PCCB: variants seen among roughly 807,000 people sequenced by gnomAD.
PCCB encodes propionyl-CoA carboxylase subunit beta.
A neutral mutation model predicts 60.7 loss-of-function variants in PCCB; 43 were observed. The observed-to-expected ratio is 0.71, with a 90% CI of 0.55 to 0.91. PCCB has a LOEUF of 0.91. Among genes scored for constraint, PCCB ranks in the 40% least tolerant of loss-of-function variants. The pLI, the probability that PCCB is intolerant of heterozygous loss-of-function variation, is 0.00. For synonymous variants in PCCB, 276 were observed against 255.9 expected, an observed-to-expected ratio of 1.08 and a Z score of -0.75; for missense variants, 766 against 702.8, an observed-to-expected ratio of 1.09 and a Z score of -1.02.
At chr3:136,251,143 T>G in intron 1 of PCCB, 2 of 448,064 alleles carry the variant, frequency 4.5e-6, no homozygotes, top group Non-Finnish European at 9.0e-6. Context: ...AAGGCACGTG[T>G]CGGAAGCAGG....
intron 5 of PCCB, among the ~76,000 whole-genome samples, chr3:136,263,509 C>T (rs369958223): frequency 2.0e-5 from 3 of 151,206 alleles, no homozygotes; most frequent in Non-Finnish European, 4.4e-5. Context: ...TGGACTCAAG[C>T]GATTGGCCTG....
rs570664014 is a variant in PCCB at position 136,259,248 on chromosome 3, C to T, written c.373-1231C>T. On this transcript the variant is annotated intron_variant, in intron 3 of 14. Coordinates refer to ENST00000251654, the MANE Select transcript of PCCB (RefSeq NM_000532.5). ...TTGGGAGGCCGAGGTGGGTAGATCA[C>T]TTGAGGCCAGGAGTTTGAAACTGGC... The T allele has an allele frequency of 6.3e-5, 56 of 889,966 alleles. No individual in the cohort carries two copies. In the Admixed American group the frequency reaches 1.5e-3, roughly 24 times the overall value. 55.1% of individuals were successfully genotyped at this position (889,966 alleles called of 1,614,324 possible). A position where few individuals can be genotyped will look rare whatever the true frequency, so the allele number is the denominator to read the frequency against.
chr3:136,314,647 C>A (rs1934807489), intron 9 of PCCB, among the ~76,000 whole-genome samples: 1 of 151,816 alleles, frequency 6.6e-6, no homozygotes, highest in Non-Finnish European at 1.5e-5. Flanking sequence ...AGAGTAAGAC[C>A]CTGTCTCAAG....
chr3:136,327,224 CTG>C lies in PCCB; in HGVS notation c.1270_1271del (p.Val424ThrfsTer16). 6.2e-7 allele frequency: 1 copy of C among 1,614,154 alleles called. No individual in the cohort carries two copies. Among genetic ancestry groups the C allele is most frequent in the Non-Finnish European group, 8.5e-7 (1 of 1,179,982 alleles). On this transcript the variant is annotated frameshift_variant, in exon 12 of 15. Coordinates refer to ENST00000251654, the MANE Select transcript of PCCB (RefSeq NM_000532.5). LOFTEE classifies it high-confidence loss of function. ...CTTCTCTACGCATTTGCTGAGGCAA[CTG>C]TACCCAAAGTCACAGTCATCACCAG...
chr3:136,277,191 T>A (rs187372846), intron 5 of PCCB, among the ~76,000 whole-genome samples: 2 of 152,296 alleles, frequency 1.3e-5, no homozygotes, highest in Non-Finnish European at 2.9e-5. Flanking sequence ...CGAATGCTGG[T>A]TATAATAGTA....
At chr3:136,314,382 A>T (rs542801097) in intron 9 of PCCB, among the ~76,000 whole-genome samples, 13 of 152,188 alleles carry the variant, frequency 8.5e-5, no homozygotes, top group Non-Finnish European at 1.2e-4. Context: ...GGAATTGGAA[A>T]ACTCACCCTT....
chr3:136,287,662 T>C (rs969790646), intron 6 of PCCB, among the ~76,000 whole-genome samples: 1 of 152,208 alleles, frequency 6.6e-6, no homozygotes, highest in African/African-American at 2.4e-5. Context: ...CTCCAAACTC[T>C]TGGCCTCAAG....
intron 5 of PCCB, among the ~76,000 whole-genome samples, chr3:136,265,320 G>T: frequency 6.6e-6 from 1 of 152,120 alleles, no homozygotes; most frequent in Non-Finnish European, 1.5e-5. Flanking sequence ...TTTCAAACCT[G>T]CCACTCACTC....
chr3:136,270,633 G>C (rs1282500965), intron 5 of PCCB, among the ~76,000 whole-genome samples: 2 of 152,070 alleles, frequency 1.3e-5, no homozygotes, highest in Admixed American at 1.3e-4. Context: ...AGCCTCCCGA[G>C]TAGCTGGGAC....
chr3:136,278,028 T>A (rs1279949), intron 5 of PCCB, among the ~76,000 whole-genome samples: 55,996 of 152,062 alleles, frequency 0.37, 12,803 homozygotes, highest in East Asian at 0.81. Flanking sequence ...TCTTTCAACC[T>A]GCGACCACTA....
rs1576334684 is a variant in PCCB at position 136,293,649 on chromosome 3, C to T, written c.655-107C>T. On this transcript the variant is annotated intron_variant, in intron 6 of 14. Coordinates refer to ENST00000251654, the MANE Select transcript of PCCB (RefSeq NM_000532.5). ...TAAGCTACATCCTATCCTCATTCAGCCACGTCACTATCTTCTCTGCATTTG... is the reference window on the plus strand; with the variant it reads ...TAAGCTACATCCTATCCTCATTCAGTCACGTCACTATCTTCTCTGCATTTG... The T allele has an allele frequency of 1.0e-5, 8 of 795,236 alleles. No individual in the cohort carries two copies. The East Asian group carries it at 1.7e-4, about 17-fold the overall frequency. The allele number at this position is 795,236 out of a possible 1,614,324, so 49.3% of individuals were successfully genotyped here.
intron 10 of PCCB, among the ~76,000 whole-genome samples, chr3:136,317,655 A>G (rs963174390): frequency 6.6e-6 from 1 of 152,034 alleles, no homozygotes; most frequent in Non-Finnish European, 1.5e-5. Flanking sequence ...GTTCCCCCCT[A>G]CCCCCAGCTA....
chr3:136,297,784 G>GA (rs929689059), intron 7 of PCCB, among the ~76,000 whole-genome samples, 168 bp from the exon 8 acceptor site: 6 of 152,210 alleles, frequency 3.9e-5, no homozygotes, highest in African/African-American at 1.4e-4. Flanking sequence ...GGATCACCCG[G>GA]AAGGTATGTA....
At chr3:136,327,872 T>G in intron 13 of PCCB, 140 bp downstream of exon 13, 1 of 724,762 alleles carries the variant, frequency 1.4e-6, no homozygotes. Context: ...GACCTAGACC[T>G]TGGTAAGTCT....
At chr3:136,256,659 G>GCTCTGCCCTCCAAGAAA in intron 3 of PCCB, 36 bp downstream of exon 3, 2 of 1,413,026 alleles carry the variant, frequency 1.4e-6, no homozygotes, top group Non-Finnish European at 2.0e-6. Flanking sequence ...ACTTTTCTTG[G>GCTCTGCCCTCCAAGAAA]AGGGCAGAGC....
intron 9 of PCCB, among the ~76,000 whole-genome samples, chr3:136,311,963 A>G (rs552745483): frequency 1.3e-5 from 2 of 152,348 alleles, no homozygotes; most frequent in East Asian, 1.9e-4. Flanking sequence ...AAAAGTGCAC[A>G]TGGAAAAATA....
chr3:136,310,535 C>T lies in PCCB; in HGVS notation c.967-6406C>T, dbSNP rs891329644. Among the ~76,000 whole-genome samples, 5 of 152,160 alleles carry T rather than the reference C, an allele frequency of 3.3e-5. No homozygotes were observed. In the East Asian group the frequency reaches 9.6e-4, roughly 29 times the overall value. On this transcript the variant is annotated intron_variant, in intron 9 of 14. Coordinates refer to ENST00000251654, the MANE Select transcript of PCCB (RefSeq NM_000532.5). ...AGACTCTGTCTCAAACAAACAAACA[C>T]CAGGCCCAAATAGTTTCATGTGGAA...
At chr3:136,301,245 C>T (rs939713415) in intron 9 of PCCB, 134 bp downstream of exon 9, 1 of 735,850 alleles carries the variant, frequency 1.4e-6, no homozygotes, top group Non-Finnish European at 2.4e-6. Flanking sequence ...AGGGTGGGCA[C>T]AGGACCAGTG....
intron 9 of PCCB, among the ~76,000 whole-genome samples, chr3:136,303,503 T>G (rs1015087845): frequency 1.6e-5 from 2 of 122,758 alleles, no homozygotes; most frequent in African/African-American, 5.0e-5. Flanking sequence ...TGTTTTGAGT[T>G]TCTGCATTGA....
Sources: gnomAD v4.1 joint callset for allele counts (sites outside exome capture counted in the v4.1 genomes callset) on GRCh38, gnomAD v4.1.1 for gene constraint, MANE v1.5 for transcripts, NCBI Gene and HGNC (gene_info 2026-07-23, HGNC 2026-07-21) for gene names.